Variants in KANSL1L observed in about 807,000 individuals in gnomAD.
KANSL1L encodes KAT8 regulatory NSL complex subunit 1-like protein.
KANSL1L carries 25 observed loss-of-function variants against 108.6 expected under a neutral mutation model. The ratio of observed to expected loss-of-function variants is 0.23; its 90% CI spans 0.17 to 0.32. KANSL1L has a LOEUF of 0.32. Among genes scored for constraint, KANSL1L ranks in the 10% least tolerant of loss-of-function variants. The pLI is 1.00. For missense variants in KANSL1L, 1,137 were observed against 1,125.7 expected (o/e 1.01, Z -0.14); for synonymous variants, 405 against 395.1 (o/e 1.03, Z -0.30).
chr2:210,087,037 T>TA (rs1384876711), intron 5 of KANSL1L, among the ~76,000 whole-genome samples: 2 of 151,468 alleles, frequency 1.3e-5, no homozygotes, highest in Non-Finnish European at 2.9e-5. Context: ...TATTTTATTT[T>TA]TTTTTTTTTG....
chr2:210,131,828 T>C (rs887440202), intron 2 of KANSL1L, among the ~76,000 whole-genome samples: 3 of 151,728 alleles, frequency 2.0e-5, no homozygotes, highest in African/African-American at 4.8e-5. Context: ...GCCTCCTGAG[T>C]AGCTGGGATT....
chr2:210,074,482 C>CCACGCTGGGCAAATTTTTGTATTTTT (rs2094528808), intron 6 of KANSL1L, among the ~76,000 whole-genome samples: 1 of 152,038 alleles, frequency 6.6e-6, no homozygotes, highest in Admixed American at 6.6e-5. Context: ...GGCACCGCCA[C>CCACGCTGGGCAAATTTTTGTATTTTT]CACGCTGGGC....
chr2:210,139,585 T>C (rs1206213500), intron 2 of KANSL1L, among the ~76,000 whole-genome samples: 3 of 152,224 alleles, frequency 2.0e-5, no homozygotes, highest in Admixed American at 1.3e-4. Context: ...TTTCTTGTAA[T>C]AGCCATTTTA....
chr2:210,090,386 T>C (rs937813057), intron 5 of KANSL1L, among the ~76,000 whole-genome samples: 2 of 152,170 alleles, frequency 1.3e-5, no homozygotes, highest in Non-Finnish European at 2.9e-5. Flanking sequence ...GAACTTGGAT[T>C]AGAGGGGACA....
At chr2:210,065,097 C>A (rs553229620) in intron 6 of KANSL1L, among the ~76,000 whole-genome samples, 6 of 151,362 alleles carry the variant, frequency 4.0e-5, no homozygotes, top group African/African-American at 1.2e-4. Flanking sequence ...AGTTCGAGAC[C>A]AGCATGGCCA....
chr2:210,077,124 G>A (rs1174474985), intron 5 of KANSL1L, among the ~76,000 whole-genome samples: 1 of 152,134 alleles, frequency 6.6e-6, no homozygotes, highest in Non-Finnish European at 1.5e-5. Flanking sequence ...GTGTCTGAAT[G>A]GCTTGTGTTG....
intron 1 of KANSL1L, among the ~76,000 whole-genome samples, chr2:210,157,639 G>A (rs1259054564): frequency 7.1e-6 from 1 of 140,912 alleles, no homozygotes; most frequent in Non-Finnish European, 1.5e-5. Flanking sequence ...GCAGTGAGCT[G>A]TGATTGCACC....
Position 210,059,773 on chromosome 2 carries a change from CT to C in KANSL1L, c.1756-15670del, listed in dbSNP as rs767875402. Among the ~76,000 whole-genome samples the C allele has an allele frequency of 1.6e-3, 235 of 145,708 alleles. 1 individual carries two copies. The highest frequency in any genetic ancestry group is 3.6e-3 in the Middle Eastern group (1 of 278). Reference sequence around the variant, plus strand: ...CAGCATAAAAATACTACTTAAGTAACTTTTTTTTTTTTTGAGATAGTGCAAT... The same window carrying C: ...CAGCATAAAAATACTACTTAAGTAACTTTTTTTTTTTTGAGATAGTGCAAT... On this transcript the variant is annotated intron_variant, in intron 6 of 14. Transcript: ENST00000281772.
At chr2:210,033,509 G>A (rs998567830) in intron 8 of KANSL1L, among the ~76,000 whole-genome samples, 2 of 152,102 alleles carry the variant, frequency 1.3e-5, no homozygotes, top group African/African-American at 4.8e-5. Flanking sequence ...ATCAAATTTT[G>A]TGAAGGAATC....
intron 3 of KANSL1L, among the ~76,000 whole-genome samples, chr2:210,127,022 CTCTG>C (rs2095072063): frequency 1.3e-5 from 2 of 151,466 alleles, no homozygotes; most frequent in Non-Finnish European, 2.9e-5. Context: ...TATAGTGAAA[CTCTG>C]TCTCTTTTTA....
At chr2:210,057,917 G>T (rs1357358632) in intron 6 of KANSL1L, among the ~76,000 whole-genome samples, 1 of 152,046 alleles carries the variant, frequency 6.6e-6, no homozygotes, top group East Asian at 1.9e-4. Context: ...TCAGGACCCT[G>T]TGATGATTGC....
intron 2 of KANSL1L, among the ~76,000 whole-genome samples, chr2:210,145,140 A>G (rs1246799044): frequency 6.6e-6 from 1 of 152,186 alleles, no homozygotes; most frequent in African/African-American, 2.4e-5. Context: ...AGCAGCGGCA[A>G]GGGTTATTGG....
At chr2:210,059,746 A>G (rs527459993) in intron 6 of KANSL1L, among the ~76,000 whole-genome samples, 2 of 152,216 alleles carry the variant, frequency 1.3e-5, no homozygotes, top group East Asian at 3.9e-4. Flanking sequence ...TTGGCTTCCC[A>G]GCAGCATAAA....
At chr2:210,100,299 T>TA (rs1369634370) in intron 4 of KANSL1L, among the ~76,000 whole-genome samples, 5 of 152,162 alleles carry the variant, frequency 3.3e-5, no homozygotes, top group Non-Finnish European at 5.9e-5. Context: ...GCGGAAAAAT[T>TA]GTCTTCTACA....
rs2093923370 is a variant in KANSL1L at position 210,025,450 on chromosome 2, G to GGA, written c.2452-236_2452-235dup. The stretch of plus-strand genomic sequence containing the variant: ...AGGCGCCTGTAATCACAGCTACTCG[G>GGA]GAGGCTGAGGCAGAGAATTGCTTGA... On this transcript the variant is annotated intron_variant, in intron 12 of 14. Coordinates refer to ENST00000281772, the MANE Select transcript of KANSL1L (RefSeq NM_152519.4). Among the ~76,000 whole-genome samples the GGA allele has an allele frequency of 4.6e-5, 7 of 152,168 alleles. No individual in the cohort carries two copies. The South Asian group carries it at 1.4e-3, about 32-fold the overall frequency.
At chr2:210,048,654 C>T (rs962091632) in intron 6 of KANSL1L, among the ~76,000 whole-genome samples, 11 of 151,912 alleles carry the variant, frequency 7.2e-5, no homozygotes, top group African/African-American at 1.7e-4. Flanking sequence ...TATATTAATA[C>T]ATACGTGTAT....
chr2:210,061,915 AT>A (rs1457815653), intron 6 of KANSL1L, among the ~76,000 whole-genome samples: 1 of 152,242 alleles, frequency 6.6e-6, no homozygotes, highest in African/African-American at 2.4e-5. Flanking sequence ...CGGCATTAAC[AT>A]TTAAGAGAAA....
chr2:210,154,555 C>T lies in KANSL1L; in HGVS notation c.28G>A (p.Ala10Thr), dbSNP rs764298994. 20 of 1,543,232 alleles carry T rather than the reference C, an allele frequency of 1.3e-5. No individual in the cohort carries two copies. Among genetic ancestry groups the T allele is most frequent in the African/African-American group, 1.4e-5 (1 of 72,394 alleles). The part of the protein sequence containing the change: MTPALREAT[A>T]KGISFSSLPS... ...AAAGATGAAAAGCTGATACCCTTTGCTGTTGCCTCCCTCAGAGCTGGGGTC... is the reference window on the plus strand; with the variant it reads ...AAAGATGAAAAGCTGATACCCTTTGTTGTTGCCTCCCTCAGAGCTGGGGTC... Residue 10 changes from alanine (A) to threonine (T), a missense_variant, in exon 2 of 15, where the codon GCA becomes ACA. Transcript: ENST00000281772.
chr2:210,090,473 A>T (rs886412938), intron 5 of KANSL1L, among the ~76,000 whole-genome samples: 1 of 152,182 alleles, frequency 6.6e-6, no homozygotes, highest in Admixed American at 6.6e-5. Flanking sequence ...CACCACAATA[A>T]TTTTTAAAAT....
Sources: gnomAD v4.1 joint callset for allele counts (sites outside exome capture counted in the v4.1 genomes callset) on GRCh38, gnomAD v4.1.1 for gene constraint, MANE v1.5 for transcripts, NCBI Gene and HGNC (gene_info 2026-07-23, HGNC 2026-07-21) for gene names.